Variants in HNRNPA2B1 observed in about 807,000 individuals in gnomAD.
HNRNPA2B1 encodes the protein heterogeneous nuclear ribonucleoprotein A2/B1.
Under a neutral mutation model 46.3 loss-of-function variants are expected in HNRNPA2B1, and 3 were observed. The observed-to-expected ratio is 0.06, with a 90% CI of 0.03 to 0.17. HNRNPA2B1 has a LOEUF of 0.17. Among genes scored for constraint, HNRNPA2B1 ranks in the 10% least tolerant of loss-of-function variants. The pLI is 1.00. For synonymous variants in HNRNPA2B1, 225 were observed against 133.8 expected (o/e 1.68, Z -4.70); for missense variants, 221 against 418.9 (o/e 0.53, Z 4.12).
chr7:26,192,380 G>C (rs1782996353), intron 10 of HNRNPA2B1, 42 bp from the exon 11 acceptor site: 1 of 731,538 alleles, frequency 1.4e-6, no homozygotes, highest in Non-Finnish European at 2.4e-6. Flanking sequence ...AATAGGTTAT[G>C]AAATTATCCA....
At position 26,197,694 on chromosome 7, in the gene HNRNPA2B1, G is replaced by C. The variant is rs759565085; in HGVS notation, c.45C>G (p.Gly15=). Reference sequence around the variant, plus strand: ...TTTCTTCTGTGGTTTCAAAGCTTAAGCCACCAATAAAGAGCTTACGGAACT... The same window carrying C: ...TTTCTTCTGTGGTTTCAAAGCTTAACCCACCAATAAAGAGCTTACGGAACT... ...KEQFRKLFIG[G]LSFETTEESL... The change falls in exon 2 of 11, where the codon GGC becomes GGG. Residue 15 remains glycine (G), a synonymous_variant. Coordinates refer to ENST00000618183, the MANE Select transcript of HNRNPA2B1 (RefSeq NM_002137.4). 2.6e-5 allele frequency: 42 copies of C among 1,613,764 alleles called. 1 individual carries two copies. The highest frequency in any genetic ancestry group is 8.5e-7 in the Non-Finnish European group (1 of 1,179,860).
At chr7:26,197,574 A>C (rs1309346273) in intron 2 of HNRNPA2B1, 48 bp downstream of exon 2, 2 of 1,562,008 alleles carry the variant, frequency 1.3e-6, no homozygotes, top group Non-Finnish European at 1.8e-6. Context: ...TTCACTTAAC[A>C]TACAGCTAAA....
chr7:26,200,033 G>GA lies in HNRNPA2B1; in HGVS notation c.6+538dup, dbSNP rs1295717640. The stretch of plus-strand genomic sequence containing the variant: ...AAACGATATGAAAACAGCCCGAGAA[G>GA]AAAAAAAAATAGTTAACCACTTCTA... On this transcript the variant is annotated intron_variant, in intron 1 of 10. Transcript: ENST00000618183. 5.4e-4 allele frequency: 85 copies of GA among 157,784 alleles called. No homozygotes were observed. In the South Asian group the frequency reaches 7.9e-3, roughly 15 times the overall value. The allele number at this position is 157,784 out of a possible 1,614,324, so 9.8% of individuals were successfully genotyped here.
At position 26,197,342 on chromosome 7, in the gene HNRNPA2B1, A is replaced by C. The variant is rs778631180; in HGVS notation, c.237T>G (p.Val79=). 6.2e-7 allele frequency: 1 copy of C among 1,613,438 alleles called. No individual in the cohort carries two copies. Among genetic ancestry groups the C allele is most frequent in the South Asian group, 1.1e-5 (1 of 90,966 alleles). The change falls in exon 3 of 11, where the codon GTT becomes GTG. Residue 79 remains valine (V), a synonymous_variant. Transcript: ENST00000618183. ...CTCTTGCTACAGCACGTTTTGGCTCAACTACTCTCCCATCAATTGAATGAG... is the reference window on the plus strand; with the variant it reads ...CTCTTGCTACAGCACGTTTTGGCTCCACTACTCTCCCATCAATTGAATGAG... The part of the protein sequence containing the change: ...ARPHSIDGRV[V]EPKRAVAREE...
chr7:26,195,074 C>T (rs1334728536), intron 7 of HNRNPA2B1, among the ~76,000 whole-genome samples: 3 of 108,264 alleles, frequency 2.8e-5, no homozygotes, highest in African/African-American at 7.3e-5. Context: ...GCCTGGGTGA[C>T]AGAGCAAGGC....
intron 1 of HNRNPA2B1, chr7:26,198,992 T>C (rs926961781): frequency 1.3e-5 from 2 of 152,200 alleles, no homozygotes; most frequent in African/African-American, 4.8e-5. Context: ...ACTGAAATGA[T>C]CAAACTAGCT....
Position 26,200,552 on chromosome 7 carries a change from A to G in HNRNPA2B1, c.6+20T>C, listed in dbSNP as rs765558045. ...CTCGCCATGCCCTTTTCAATAACTC[A>G]TTGATTTCAAACCCGTTACCTCCAT... On this transcript the variant is annotated intron_variant, in intron 1 of 10. Transcript: ENST00000618183. 2 of 1,612,878 alleles carry G rather than the reference A, an allele frequency of 1.2e-6. No homozygotes were observed. The highest frequency in any genetic ancestry group is 1.7e-6 in the Non-Finnish European group (2 of 1,179,908).
chr7:26,198,952 C>G (rs1784010994), intron 1 of HNRNPA2B1: 3 of 152,136 alleles, frequency 2.0e-5, no homozygotes, highest in Admixed American at 1.3e-4. Flanking sequence ...CTGTAGTTTT[C>G]ATGACTCGTA....
rs1657963980 is a variant in HNRNPA2B1, at chr7:26,191,286, G to A, written c.*1074C>T. 6.6e-6 allele frequency: 1 copy of A among 151,318 alleles called. No individual in the cohort carries two copies. The highest frequency in any genetic ancestry group is 2.4e-5 in the African/African-American group (1 of 40,892). 9.4% of individuals were successfully genotyped at this position (151,318 alleles called of 1,614,324 possible). A position where few individuals can be genotyped will look rare whatever the true frequency, so the allele number is the denominator to read the frequency against. The stretch of plus-strand genomic sequence containing the variant: ...CAGGGTTTATAAAAATTATTCTCTT[G>A]AGTTTATAAATTGTTAAACTCAATT... On this transcript the variant is annotated 3_prime_UTR_variant, in exon 11 of 11. Transcript: ENST00000618183.
chr7:26,197,530 T>A (rs1050710076), intron 2 of HNRNPA2B1, 69 bp from the exon 3 acceptor site: 6 of 1,574,026 alleles, frequency 3.8e-6, no homozygotes, highest in Middle Eastern at 1.7e-4. Flanking sequence ...CATAATAGAA[T>A]TTTTTACTAT....
intron 3 of HNRNPA2B1, 43 bp downstream of exon 3, chr7:26,197,272 G>C (rs1178274696): frequency 3.9e-6 from 6 of 1,554,784 alleles, no homozygotes; most frequent in South Asian, 1.2e-5. Flanking sequence ...CAGCAGGGCA[G>C]CGTTCTTCAT....
At chr7:26,199,751 C>CA (rs1562726548) in intron 1 of HNRNPA2B1, 1 of 151,872 alleles carries the variant, frequency 6.6e-6, no homozygotes, top group Non-Finnish European at 1.5e-5. Flanking sequence ...AACCGTTACT[C>CA]AAAGGAAAAA....
rs757258647 is a variant in HNRNPA2B1 at position 26,193,235 on chromosome 7, A to G, written c.964+16T>C. ...TAATCACAAAAATCTGAATAACCTC[A>G]ATTTTTATAAATTACCTCCACCATA... On this transcript the variant is annotated intron_variant, in intron 9 of 10. Transcript: ENST00000618183. The G allele has an allele frequency of 1.0e-5, 16 of 1,603,782 alleles. No homozygotes were observed. Among genetic ancestry groups the G allele is most frequent in the South Asian group, 9.0e-5 (8 of 88,958 alleles).
intron 1 of HNRNPA2B1, 173 bp downstream of exon 1, chr7:26,200,399 T>C: frequency 1.4e-6 from 1 of 716,530 alleles, no homozygotes; most frequent in East Asian, 2.5e-5. Flanking sequence ...GGGAAGCTGT[T>C]TGTACGCTCA....
At chr7:26,194,120 GCA>G (rs766824256) in intron 7 of HNRNPA2B1, among the ~76,000 whole-genome samples, 6 of 152,204 alleles carry the variant, frequency 3.9e-5, no homozygotes, top group South Asian at 2.1e-4. Context: ...TCTCGGTTGG[GCA>G]CAGTGGCTCA....
chr7:26,198,989 T>C (rs1207050521), intron 1 of HNRNPA2B1: 1 of 152,170 alleles, frequency 6.6e-6, no homozygotes, highest in African/African-American at 2.4e-5. Flanking sequence ...TTAACTGAAA[T>C]GATCAAACTA....
chr7:26,198,225 C>T (rs984110097), intron 1 of HNRNPA2B1: 1 of 174,524 alleles, frequency 5.7e-6, no homozygotes, highest in African/African-American at 2.4e-5. Flanking sequence ...TGAAAAGTAT[C>T]ATTTATTTTC....
At position 26,193,564 on chromosome 7, in the gene HNRNPA2B1, G is replaced by C; in HGVS notation, c.841+11C>G. 6.3e-7 allele frequency: 1 copy of C among 1,574,948 alleles called. No homozygotes were observed. The highest frequency in any genetic ancestry group is 8.6e-7 in the Non-Finnish European group (1 of 1,167,592). ...AAATTCCCACATAAAGGTTGCAGGTGAATTTATTACCTCCTCCATAGTTGT... is the reference window on the plus strand; with the variant it reads ...AAATTCCCACATAAAGGTTGCAGGTCAATTTATTACCTCCTCCATAGTTGT... On this transcript the variant is annotated intron_variant, in intron 8 of 10. Coordinates refer to ENST00000618183, the MANE Select transcript of HNRNPA2B1 (RefSeq NM_002137.4).
intron 1 of HNRNPA2B1, chr7:26,198,028 TAAA>T (rs199985423): frequency 2.4e-5 from 10 of 412,406 alleles, no homozygotes; most frequent in Middle Eastern, 6.1e-4. Context: ...AATTATTAAT[TAAA>T]AAAAAAACTT....
Sources: gnomAD v4.1 joint callset for allele counts (sites outside exome capture counted in the v4.1 genomes callset) on GRCh38, gnomAD v4.1.1 for gene constraint, MANE v1.5 for transcripts, NCBI Gene and HGNC (gene_info 2026-07-23, HGNC 2026-07-21) for gene names.